Variants in PHTF1 observed in about 807,000 individuals in gnomAD.
The protein encoded by PHTF1 is protein PHTF1.
In PHTF1, 88 loss-of-function variants were observed where a neutral mutation model predicts 102.4. The observed-to-expected ratio is 0.86, with a 90% CI of 0.72 to 1.03. The LOEUF (loss-of-function observed/expected upper bound fraction) is 1.03. Among genes scored for constraint, PHTF1 ranks in the 50% least tolerant of loss-of-function variants. The pLI is 0.00. For missense variants in PHTF1, 814 were observed against 909.5 expected (o/e 0.89, Z 1.35); for synonymous variants, 289 against 305.2 (o/e 0.95, Z 0.55).
intron 3 of PHTF1, among the ~76,000 whole-genome samples, chr1:113,751,317 G>A (rs1189360951): frequency 6.6e-6 from 1 of 152,092 alleles, no homozygotes; most frequent in Non-Finnish European, 1.5e-5. Flanking sequence ...GTAGAGTTGT[G>A]CAATCATTAT....
chr1:113,735,513 G>GCCC (rs1655361302), intron 5 of PHTF1, among the ~76,000 whole-genome samples: 1 of 151,070 alleles, frequency 6.6e-6, no homozygotes, highest in African/African-American at 2.4e-5. Flanking sequence ...ATGCCCATAT[G>GCCC]ATGAATTATT....
rs368992012 is a variant in PHTF1, at chr1:113,757,743, C to G, written c.58G>C (p.Asp20His). The change falls in exon 3 of 19, where the codon GAT becomes CAT. Residue 20 changes from aspartate to histidine, a missense_variant. Coordinates refer to ENST00000369604, the MANE Select transcript of PHTF1 (RefSeq NM_001323043.2). ...SWYQKKIGAYDQQIWEKSIEQ... is the reference protein window; with the variant it reads ...SWYQKKIGAYHQQIWEKSIEQ... ...ATTGACTTTTCCCATATCTGCTGATCGTAGGCTCCAATCTGAAAGAGGGAG... is the reference window on the plus strand; with the variant it reads ...ATTGACTTTTCCCATATCTGCTGATGGTAGGCTCCAATCTGAAAGAGGGAG... 1 of 1,604,040 alleles carries G rather than the reference C, an allele frequency of 6.2e-7. No individual in the cohort carries two copies. Among genetic ancestry groups the G allele is most frequent in the Non-Finnish European group, 8.5e-7 (1 of 1,170,884 alleles).
chr1:113,709,677 T>C (rs1452137963), intron 11 of PHTF1, among the ~76,000 whole-genome samples: 1 of 152,190 alleles, frequency 6.6e-6, no homozygotes, highest in Non-Finnish European at 1.5e-5. Context: ...GTACTTTATA[T>C]TATCTCATTA....
intron 5 of PHTF1, among the ~76,000 whole-genome samples, chr1:113,730,870 G>T (rs1372228308): frequency 3.9e-5 from 6 of 152,128 alleles, no homozygotes. Flanking sequence ...CATTCTACAT[G>T]GGTAACCTTG....
chr1:113,750,610 G>A (rs1488308465), intron 3 of PHTF1, among the ~76,000 whole-genome samples: 2 of 152,108 alleles, frequency 1.3e-5, no homozygotes, highest in South Asian at 2.1e-4. Flanking sequence ...TGTAATCCCA[G>A]CACTTTGGGA....
At chr1:113,748,089 C>CA (rs553533247) in intron 3 of PHTF1, among the ~76,000 whole-genome samples, 38 of 152,252 alleles carry the variant, frequency 2.5e-4, no homozygotes, top group African/African-American at 9.1e-4. Flanking sequence ...AGGACCCTTT[C>CA]ACCTCAGCCG....
chr1:113,739,277 G>C (rs1317968835), intron 3 of PHTF1, among the ~76,000 whole-genome samples: 1 of 152,064 alleles, frequency 6.6e-6, no homozygotes, highest in African/African-American at 2.4e-5. Flanking sequence ...TACATATTTT[G>C]TTTTAGTTTT....
intron 2 of PHTF1, among the ~76,000 whole-genome samples, chr1:113,758,351 T>C (rs1557984757): frequency 6.6e-6 from 1 of 151,998 alleles, no homozygotes; most frequent in Non-Finnish European, 1.5e-5. Context: ...ATCTGAGCTG[T>C]GCACATACAG....
chr1:113,705,864 A>C, intron 13 of PHTF1, 26 bp downstream of exon 13: 2 of 1,589,920 alleles, frequency 1.3e-6, no homozygotes, highest in Non-Finnish European at 1.7e-6. Context: ...AAACAGGTAA[A>C]AAATTTTCCT....
chr1:113,705,791 C>T (rs1650048093), intron 13 of PHTF1, 99 bp downstream of exon 13: 1 of 839,548 alleles, frequency 1.2e-6, no homozygotes, highest in Non-Finnish European at 1.9e-6. Flanking sequence ...TTATTGCCCA[C>T]ATCAACTTGA....
intron 10 of PHTF1, among the ~76,000 whole-genome samples, chr1:113,711,244 A>C (rs1024196182): frequency 5.3e-5 from 8 of 152,074 alleles, no homozygotes; most frequent in African/African-American, 1.7e-4. Flanking sequence ...TAAATATGAA[A>C]GTTATTCCAT....
intron 7 of PHTF1, among the ~76,000 whole-genome samples, chr1:113,716,342 C>CTTTTTTT (rs1180513920): frequency 1.3e-4 from 16 of 120,950 alleles, no homozygotes; most frequent in South Asian, 2.8e-4. Flanking sequence ...TTATTTTTCC[C>CTTTTTTT]TTTTTTTTTT....
chr1:113,698,614 T>TAC (rs1487912339), intron 17 of PHTF1, among the ~76,000 whole-genome samples: 330 of 86,258 alleles, frequency 3.8e-3, no homozygotes, highest in African/African-American at 0.015. Flanking sequence ...GTTTTATATA[T>TAC]ATATATACAC....
chr1:113,750,429 TCAAA>T (rs1458616038), intron 3 of PHTF1, among the ~76,000 whole-genome samples: 1 of 152,302 alleles, frequency 6.6e-6, no homozygotes, highest in Non-Finnish European at 1.5e-5. Context: ...CATGCTATCT[TCAAA>T]CAGTGATTTT....
rs376482664 is a variant in PHTF1 at position 113,713,347 on chromosome 1, G to A, written c.715C>T (p.Arg239Ter). ...VHPIIKRRQC[R>*]PEIRMWQTRE... ...GTTTGCCACATTCTAATCTCTGGTC[G>A]ACATTGTCTCCTCTTAATGATAGGA... is the stretch of plus-strand genomic sequence containing the variant. The change falls in exon 8 of 19, where the codon CGA (arginine) becomes TGA (stop). Residue 239 changes from arginine to a stop codon, truncating the protein, a stop_gained. Transcript: ENST00000369604. LOFTEE classifies it high-confidence loss of function. 9.9e-5 allele frequency: 159 copies of A among 1,612,094 alleles called. 1 individual carries two copies. The highest frequency in any genetic ancestry group is 1.2e-4 in the Non-Finnish European group (147 of 1,178,320).
intron 3 of PHTF1, among the ~76,000 whole-genome samples, chr1:113,752,853 G>A (rs1456167798): frequency 6.6e-6 from 1 of 152,188 alleles, no homozygotes. Flanking sequence ...AATAGTAAGA[G>A]CAGATATCCC....
At chr1:113,704,900 T>C in intron 13 of PHTF1, 103 bp from the exon 14 acceptor site, 1 of 857,632 alleles carries the variant, frequency 1.2e-6, no homozygotes, top group Non-Finnish European at 1.8e-6. Context: ...TTAAAAAGAA[T>C]GAAGTTCTAA....
chr1:113,752,213 T>C (rs1658187212), intron 3 of PHTF1, among the ~76,000 whole-genome samples: 1 of 152,144 alleles, frequency 6.6e-6, no homozygotes, highest in Non-Finnish European at 1.5e-5. Context: ...TTTCCATGTA[T>C]GAATCTTACA....
chr1:113,711,659 G>T, intron 10 of PHTF1, 87 bp downstream of exon 10: 1 of 943,280 alleles, frequency 1.1e-6, no homozygotes. Flanking sequence ...TAATGTAAAT[G>T]CTACTTTAGG....
Sources: allele counts gnomAD v4.1 joint callset (sites outside exome capture counted in the v4.1 genomes callset), GRCh38; gene constraint gnomAD v4.1.1; transcripts MANE v1.5; gene names NCBI Gene and HGNC (gene_info 2026-07-23, HGNC 2026-07-21).